The following ATXN7L1 variants were observed in gnomAD, a reference collection of about 807,000 sequenced individuals.
ATXN7L1 encodes ataxin-7-like protein 1.
In ATXN7L1, 15 loss-of-function variants were observed where a neutral mutation model predicts 70.8. That is an observed-to-expected ratio of 0.21 (90% CI 0.14 to 0.33). The LOEUF (loss-of-function observed/expected upper bound fraction) is 0.33. ATXN7L1 is among the 10% of genes least tolerant of loss of function. ATXN7L1 has a pLI of 1.00. For missense variants in ATXN7L1, 975 were observed against 1,097.1 expected, an observed-to-expected ratio of 0.89 and a Z score of 1.57; for synonymous variants, 440 against 445.1, an observed-to-expected ratio of 0.99 and a Z score of 0.14.
intron 2 of ATXN7L1, among the ~76,000 whole-genome samples, chr7:105,862,142 G>T (rs1816730183): frequency 6.6e-6 from 1 of 152,198 alleles, no homozygotes; most frequent in Non-Finnish European, 1.5e-5. Flanking sequence ...TTAAGCAAAT[G>T]TAACCAGTTC....
At chr7:105,820,126 CAAAAAAAA>C (rs562797891) in intron 2 of ATXN7L1, 19,542 of 63,300 alleles carry the variant, frequency 0.31, 1,690 homozygotes, top group South Asian at 0.37. Flanking sequence ...GTTTATTCCT[CAAAAAAAA>C]AAAAAAAAAA....
intron 3 of ATXN7L1, among the ~76,000 whole-genome samples, chr7:105,706,121 T>C (rs2116252556): frequency 6.6e-6 from 1 of 152,324 alleles, no homozygotes; most frequent in African/African-American, 2.4e-5. Flanking sequence ...CTAAACTGAA[T>C]TATTTCTCTT....
chr7:105,762,694 T>C (rs1800709641), intron 3 of ATXN7L1, among the ~76,000 whole-genome samples: 1 of 152,152 alleles, frequency 6.6e-6, no homozygotes, highest in Non-Finnish European at 1.5e-5. Flanking sequence ...CTCACTGAGG[T>C]GACACTCTTC....
intron 2 of ATXN7L1, among the ~76,000 whole-genome samples, chr7:105,826,788 T>G (rs1810932487): frequency 1.3e-5 from 2 of 152,192 alleles, no homozygotes; most frequent in African/African-American, 2.4e-5. Context: ...CTTCCCATGG[T>G]TTTTATACAG....
At chr7:105,856,375 CAGG>C (rs1410605047) in intron 2 of ATXN7L1, among the ~76,000 whole-genome samples, 15 of 152,072 alleles carry the variant, frequency 9.9e-5, no homozygotes, top group Admixed American at 9.8e-4. Context: ...CACCTGAGGT[CAGG>C]AGTTCAAGAC....
chr7:105,668,950 T>C (rs186910250), intron 3 of ATXN7L1, among the ~76,000 whole-genome samples: 1 of 152,264 alleles, frequency 6.6e-6, no homozygotes, highest in East Asian at 1.9e-4. Flanking sequence ...AGTCTCTCTA[T>C]GTTCCCAGGC....
At chr7:105,761,681 A>G (rs1046149355) in intron 3 of ATXN7L1, among the ~76,000 whole-genome samples, 5 of 152,186 alleles carry the variant, frequency 3.3e-5, no homozygotes, top group African/African-American at 1.2e-4. Context: ...TTCTCCTAGT[A>G]GAAAGCAGTT....
At chr7:105,668,132 T>C (rs975663103) in intron 3 of ATXN7L1, among the ~76,000 whole-genome samples, 5 of 152,330 alleles carry the variant, frequency 3.3e-5, no homozygotes, top group African/African-American at 1.2e-4. Flanking sequence ...AAGTGTGCCA[T>C]GAAGGACAAA....
Position 105,643,086 on chromosome 7 carries a change from G to C in ATXN7L1, c.614C>G (p.Pro205Arg). The C allele has an allele frequency of 6.5e-7, 1 of 1,540,784 alleles. No homozygotes were observed. Among genetic ancestry groups the C allele is most frequent in the Non-Finnish European group, 8.8e-7 (1 of 1,139,884 alleles). ...PVPVVSLEKI[P>R]NLVKADGANV... The stretch of plus-strand genomic sequence containing the variant: ...GGCACCATCTGCCTTCACTAGGTTA[G>C]GAATTTTCTCTAAACTGACTACAGG... Residue 205 changes from proline to arginine, a missense_variant, in exon 5 of 12, where the codon CCT becomes CGT. Physicochemically the swap from Pro to Arg is moderately radical, Grantham distance 103. Coordinates refer to ENST00000419735, the MANE Select transcript of ATXN7L1 (RefSeq NM_020725.2).
intron 2 of ATXN7L1, among the ~76,000 whole-genome samples, chr7:105,809,835 A>G (rs2116537009): frequency 6.6e-6 from 1 of 151,788 alleles, no homozygotes; most frequent in East Asian, 1.9e-4. Context: ...TAGTTATGCT[A>G]TCATAGCTCA....
At chr7:105,867,677 C>G (rs1278961237) in intron 2 of ATXN7L1, among the ~76,000 whole-genome samples, 2 of 152,248 alleles carry the variant, frequency 1.3e-5, no homozygotes, top group African/African-American at 2.4e-5. Flanking sequence ...ATCGACAAGG[C>G]TGACTTACAT....
At chr7:105,698,638 G>T (rs1294608272) in intron 3 of ATXN7L1, among the ~76,000 whole-genome samples, 1 of 152,098 alleles carries the variant, frequency 6.6e-6, no homozygotes, top group Non-Finnish European at 1.5e-5. Flanking sequence ...GATTAAAGGC[G>T]TGAGCCACCG....
chr7:105,815,615 C>T (rs1042753027), intron 2 of ATXN7L1, among the ~76,000 whole-genome samples: 1 of 152,160 alleles, frequency 6.6e-6, no homozygotes, highest in African/African-American at 2.4e-5. Flanking sequence ...ACCCACATGG[C>T]GTCAAAAACT....
intron 7 of ATXN7L1, among the ~76,000 whole-genome samples, chr7:105,624,739 A>G (rs1252646103): frequency 6.6e-6 from 1 of 151,946 alleles, no homozygotes; most frequent in Non-Finnish European, 1.5e-5. Context: ...AAAACAATCA[A>G]GGCTGAAGGG....
intron 4 of ATXN7L1, among the ~76,000 whole-genome samples, chr7:105,655,344 A>G (rs1800452461): frequency 6.6e-6 from 1 of 152,114 alleles, no homozygotes; most frequent in South Asian, 2.1e-4. Flanking sequence ...TTCCCTCTGA[A>G]GTCCATTACA....
Position 105,610,744 on chromosome 7 carries a change from T to G in ATXN7L1, c.2473-141A>C, listed in dbSNP as rs570931931. The G allele has an allele frequency of 3.0e-5, 21 of 706,424 alleles. No homozygotes were observed. The African/African-American group carries it at 3.4e-4, about 11-fold the overall frequency. 43.8% of individuals were successfully genotyped at this position (706,424 alleles called of 1,614,324 possible). ...GATTGGCTCGGAACTGGTGTTTCCA[T>G]CTTAAGTGGCAGAGAAAATGAAAAT... On this transcript the variant is annotated intron_variant, in intron 10 of 11. Coordinates refer to ENST00000419735, the MANE Select transcript of ATXN7L1 (RefSeq NM_020725.2).
intron 3 of ATXN7L1, among the ~76,000 whole-genome samples, chr7:105,771,199 C>CTAA (rs1801946332): frequency 1.7e-5 from 1 of 59,140 alleles, no homozygotes. Context: ...GACTCCGTCT[C>CTAA]TGATAATAAT....
chr7:105,713,320 T>C (rs1352047436), intron 3 of ATXN7L1, among the ~76,000 whole-genome samples: 1 of 152,096 alleles, frequency 6.6e-6, no homozygotes, highest in Non-Finnish European at 1.5e-5. Flanking sequence ...AGAACCACAC[T>C]TGGTGTAGCC....
chr7:105,761,673 C>T (rs1224386165), intron 3 of ATXN7L1, among the ~76,000 whole-genome samples: 1 of 152,112 alleles, frequency 6.6e-6, no homozygotes, highest in East Asian at 1.9e-4. Context: ...TTCCATATTT[C>T]TCCTAGTAGA....
Sources: allele counts gnomAD v4.1 joint callset (sites outside exome capture counted in the v4.1 genomes callset), GRCh38; gene constraint gnomAD v4.1.1; transcripts MANE v1.5; gene names NCBI Gene and HGNC (gene_info 2026-07-23, HGNC 2026-07-21).